The following CCDC141 variants were observed in gnomAD, a reference collection of about 807,000 sequenced individuals.
The protein encoded by CCDC141 is coiled-coil domain containing 141, also known as coiled-coil domain-containing protein 141.
In CCDC141, 168 loss-of-function variants were observed where a neutral mutation model predicts 181.0. That is an observed-to-expected ratio of 0.93 (90% CI 0.82 to 1.05). The LOEUF is 1.05. CCDC141 is among the 50% of genes least tolerant of loss of function. The pLI, the probability that CCDC141 is intolerant of heterozygous loss-of-function variation, is 0.00. For synonymous variants in CCDC141, 666 were observed against 642.3 expected, an observed-to-expected ratio of 1.04 and a Z score of -0.56; for missense variants, 1,902 against 1,788.5, an observed-to-expected ratio of 1.06 and a Z score of -1.14.
chr2:178,981,341 C>G (rs537460739), intron 2 of CCDC141, among the ~76,000 whole-genome samples: 19 of 151,862 alleles, frequency 1.3e-4, no homozygotes, highest in African/African-American at 4.6e-4. Flanking sequence ...AGGCCATATC[C>G]TGGGCCATAA....
At chr2:178,888,709 T>C (rs929335806) in intron 8 of CCDC141, 41 bp from the exon 9 acceptor site, 2 of 1,546,836 alleles carry the variant, frequency 1.3e-6, no homozygotes, top group Non-Finnish European at 1.7e-6. Context: ...TCCACCCCAA[T>C]ATAGAACACA....
rs566317442 is a variant in CCDC141 at position 179,045,155 on chromosome 2, T to TC, written c.225+2128dup. Among the ~76,000 whole-genome samples the TC allele has an allele frequency of 7.8e-3, 1,035 of 132,010 alleles. 11 individuals are homozygous for TC. Among genetic ancestry groups the TC allele is most frequent in the African/African-American group, 0.025 (905 of 35,610 alleles). 86.6% of individuals were successfully genotyped at this position (132,010 alleles called of 152,430 possible). ...TAGGTATATCTCCCAATGCTATCCC[T>TC]CCCCCCTCCCCTCGACCCCACAACA... is the stretch of plus-strand genomic sequence containing the variant. On this transcript the variant is annotated intron_variant, in intron 2 of 23. Coordinates refer to ENST00000443758, the MANE Select transcript of CCDC141 (RefSeq NM_173648.4).
At chr2:179,027,199 C>G (rs558476342) in intron 2 of CCDC141, among the ~76,000 whole-genome samples, 2 of 152,114 alleles carry the variant, frequency 1.3e-5, no homozygotes, top group South Asian at 4.2e-4. Context: ...TTGCTGTGTC[C>G]CCACCCAAAT....
At chr2:179,019,032 T>C (rs1184284952) in intron 2 of CCDC141, among the ~76,000 whole-genome samples, 2 of 152,188 alleles carry the variant, frequency 1.3e-5, no homozygotes, top group African/African-American at 4.8e-5. Flanking sequence ...GCCCTCTTCT[T>C]TGGACACCCA....
chr2:178,848,773 G>A (rs997423711), intron 21 of CCDC141, among the ~76,000 whole-genome samples: 10 of 152,142 alleles, frequency 6.6e-5, no homozygotes, highest in Admixed American at 5.2e-4. Context: ...CTCCTCGGTG[G>A]TGGGGTGGAG....
chr2:178,863,868 C>T (rs1230156582), intron 17 of CCDC141, among the ~76,000 whole-genome samples: 1 of 152,210 alleles, frequency 6.6e-6, no homozygotes, highest in East Asian at 1.9e-4. Flanking sequence ...ATCAAACCCG[C>T]ATGTATCTGG....
At chr2:179,043,069 A>C (rs985362514) in intron 2 of CCDC141, among the ~76,000 whole-genome samples, 1 of 152,162 alleles carries the variant, frequency 6.6e-6, no homozygotes, top group Non-Finnish European at 1.5e-5. Flanking sequence ...AAATACAAAC[A>C]ACCATCAGAG....
Position 178,878,161 on chromosome 2 carries a change from G to A in CCDC141, c.1720-18C>T. 1.3e-6 allele frequency: 2 copies of A among 1,563,916 alleles called. No individual in the cohort carries two copies. Among genetic ancestry groups the A allele is most frequent in the Non-Finnish European group, 8.6e-7 (1 of 1,157,640 alleles). On this transcript the variant is annotated intron_variant, in intron 11 of 23. Coordinates refer to ENST00000443758, the MANE Select transcript of CCDC141 (RefSeq NM_173648.4). The stretch of plus-strand genomic sequence containing the variant: ...ATCTCTACCTAAAAAAGAAAAAAGA[G>A]AGTTAAGAACACTTAAACACATTTT...
At chr2:178,821,364 G>A in the CCDC141 span, among the ~76,000 whole-genome samples, 1 of 152,068 alleles carries the variant, frequency 6.6e-6, no homozygotes, top group Non-Finnish European at 1.5e-5. Context: ...TGCTTCCCAG[G>A]AAATTTCCTT....
rs1483661509 is a variant in CCDC141, at chr2:178,918,796, GCTGA to G, written c.1005_1008del (p.Gln336PhefsTer16). 1.3e-6 allele frequency: 2 copies of G among 1,550,590 alleles called. No homozygotes were observed. Among genetic ancestry groups the G allele is most frequent in the East Asian group, 2.4e-5 (1 of 40,926 alleles). On this transcript the variant is annotated frameshift_variant, in exon 7 of 24. Transcript: ENST00000443758. LOFTEE classifies it high-confidence loss of function. ...ATGAGTTGACCAAATTCTTCTTGAA[GCTGA>G]CTGAGTTTCTGGTGAGAGAGCTGGA...
intron 2 of CCDC141, among the ~76,000 whole-genome samples, chr2:179,032,690 T>C (rs749288442): frequency 6.6e-6 from 1 of 152,110 alleles, no homozygotes; most frequent in Non-Finnish European, 1.5e-5. Flanking sequence ...GTATTCCACC[T>C]GGGTTTATAG....
intron 2 of CCDC141, among the ~76,000 whole-genome samples, chr2:179,043,971 A>C (rs2043398866): frequency 6.6e-6 from 1 of 152,238 alleles, no homozygotes; most frequent in African/African-American, 2.4e-5. Flanking sequence ...CAGGATACAA[A>C]ATCAACGTGC....
intron 2 of CCDC141, among the ~76,000 whole-genome samples, chr2:178,986,002 G>T (rs951496450): frequency 7.2e-5 from 11 of 152,180 alleles, no homozygotes; most frequent in Non-Finnish European, 1.5e-4. Context: ...AAGCCGGGCA[G>T]AGACACAACC....
chr2:178,869,797 C>T (rs1686027569), intron 14 of CCDC141, among the ~76,000 whole-genome samples: 1 of 152,204 alleles, frequency 6.6e-6, no homozygotes, highest in Non-Finnish European at 1.5e-5. Flanking sequence ...AGTAGATAGA[C>T]TGCTTCAAAA....
At chr2:179,025,396 A>G (rs937646668) in intron 2 of CCDC141, among the ~76,000 whole-genome samples, 16 of 152,240 alleles carry the variant, frequency 1.1e-4, no homozygotes, top group Non-Finnish European at 1.2e-4. Context: ...GTTCTCATAT[A>G]GTGAATGACT....
At position 178,879,528 on chromosome 2, in the gene CCDC141, C is replaced by T. The variant is rs995510503; in HGVS notation, c.1720-1385G>A. Among the ~76,000 whole-genome samples, 6 of 152,160 alleles carry T rather than the reference C, an allele frequency of 3.9e-5. No individual in the cohort carries two copies. In the South Asian group the frequency reaches 1.2e-3, roughly 32 times the overall value. On this transcript the variant is annotated intron_variant, in intron 11 of 23. Transcript: ENST00000443758. ...CAATTTTCTTCTCTTATTTATCCTT[C>T]ATGAGCAGTTAAAATGCTACTTCCT...
In CCDC141 at chr2:178,974,504, C is replaced by G. The variant is rs1489968151; in HGVS notation, c.526+553G>C. ...TGGCATACAAATTGTTGGTTAACAA[C>G]TAGACTATCTTTCTAGTTGTTCAGA... On this transcript the variant is annotated intron_variant, in intron 4 of 23. Coordinates refer to ENST00000443758, the MANE Select transcript of CCDC141 (RefSeq NM_173648.4). Among the ~76,000 whole-genome samples, 3 of 152,150 alleles carry G rather than the reference C, an allele frequency of 2.0e-5. No homozygotes were observed. The East Asian group carries it at 5.8e-4, about 29-fold the overall frequency.
the CCDC141 span, among the ~76,000 whole-genome samples, chr2:178,824,452 A>C: frequency 4.6e-5 from 7 of 151,868 alleles, no homozygotes; most frequent in Admixed American, 2.0e-4. Context: ...GAGAAACACC[A>C]TCTCTATTAA....
At chr2:178,884,458 C>T (rs903360534) in intron 11 of CCDC141, among the ~76,000 whole-genome samples, 18 of 152,132 alleles carry the variant, frequency 1.2e-4, no homozygotes, top group Admixed American at 9.2e-4. Context: ...TGCAACAATG[C>T]ATAATTTACT....
Sources: gnomAD v4.1 joint callset for allele counts (sites outside exome capture counted in the v4.1 genomes callset) on GRCh38, gnomAD v4.1.1 for gene constraint, MANE v1.5 for transcripts, NCBI Gene and HGNC (gene_info 2026-07-23, HGNC 2026-07-21) for gene names.